The following PPP6R1 variants were observed in gnomAD, a reference collection of about 807,000 sequenced individuals.
PPP6R1 encodes the protein serine/threonine-protein phosphatase 6 regulatory subunit 1.
In PPP6R1, 39 loss-of-function variants were observed where a neutral mutation model predicts 104.6. The observed-to-expected ratio is 0.37, with a 90% confidence interval of 0.29 to 0.49. The LOEUF (loss-of-function observed/expected upper bound fraction) is 0.49. Among genes scored for constraint, PPP6R1 ranks in the 20% least tolerant of loss-of-function variants. PPP6R1 has a pLI of 0.98. For missense variants in PPP6R1, 1,181 were observed against 1,155.8 expected, an observed-to-expected ratio of 1.02 and a Z score of -0.32; for synonymous variants, 549 against 479.0, an observed-to-expected ratio of 1.15 and a Z score of -1.91.
At chr19:55,236,516 TAC>T in intron 17 of PPP6R1, 125 bp downstream of exon 17, 1 of 1,090,968 alleles carries the variant, frequency 9.2e-7, no homozygotes, top group Non-Finnish European at 1.3e-6. Context: ...CCCCAACTAA[TAC>T]ACACACCAAT....
Position 55,245,579 on chromosome 19 carries a change from G to A in PPP6R1, c.327C>T (p.Phe109=), listed in dbSNP as rs1379625761. 3.1e-6 allele frequency: 5 copies of A among 1,612,844 alleles called. No individual in the cohort carries two copies. Among genetic ancestry groups the A allele is most frequent in the Non-Finnish European group, 3.4e-6 (4 of 1,179,638 alleles). ...DESLLNRLYG[F]LQSTGSLNPL... ...GGTTGAGGCTGCCGGTGCTCTGCAG[G>A]AAGCCGTAGAGCCGGTTCAGAAGGG... The change falls in exon 3 of 24, where the codon TTC becomes TTT. Residue 109 remains phenylalanine, a synonymous_variant. Transcript: ENST00000412770. The surrounding 1 kb of genome is among the most constrained non-coding windows in gnomAD (Gnocchi z 6.4).
chr19:55,244,952 G>A (rs2087493369), intron 5 of PPP6R1, among the ~76,000 whole-genome samples, 168 bp downstream of exon 5: 1 of 151,984 alleles, frequency 6.6e-6, no homozygotes, highest in African/African-American at 2.4e-5. Flanking sequence ...TGCCCAAGCT[G>A]GTCTCAAACT....
intron 1 of PPP6R1, chr19:55,255,689 C>T (rs1300419548): frequency 1.3e-5 from 2 of 152,588 alleles, no homozygotes; most frequent in East Asian, 3.8e-4. Flanking sequence ...TCTCTTGCTA[C>T]CTCCCGCGTG....
At chr19:55,228,359 G>A (rs747507473), downstream of PPP6R1, 8 of 1,613,932 alleles carry the variant, frequency 5.0e-6, no homozygotes, top group Admixed American at 1.7e-5. Context: ...CAGGACAGCT[G>A]GTCCTCGGGA....
At chr19:55,240,867 T>A (rs2087449018) in intron 10 of PPP6R1, 78 bp downstream of exon 10, 1 of 1,518,244 alleles carries the variant, frequency 6.6e-7, no homozygotes. Context: ...GAGGAAGGAG[T>A]GAGGGGTAGG....
chr19:55,242,786 G>C (rs188810072), intron 5 of PPP6R1, among the ~76,000 whole-genome samples: 215 of 152,334 alleles, frequency 1.4e-3, no homozygotes, highest in African/African-American at 5.0e-3. Flanking sequence ...ACTGATGAGT[G>C]AATATGCCCA....
chr19:55,243,238 C>T (rs1240617353), intron 5 of PPP6R1, among the ~76,000 whole-genome samples: 1 of 151,878 alleles, frequency 6.6e-6, no homozygotes, highest in Non-Finnish European at 1.5e-5. Context: ...CATGGTGAAA[C>T]CCCATCTCTA....
At chr19:55,256,187 G>A (rs1263852179) in intron 1 of PPP6R1, among the ~76,000 whole-genome samples, 2 of 152,190 alleles carry the variant, frequency 1.3e-5, no homozygotes, top group Non-Finnish European at 2.9e-5. Context: ...GTGGTGACTC[G>A]CAATACACAA....
intron 23 of PPP6R1, 38 bp from the exon 24 acceptor site, chr19:55,230,569 G>A (rs1383655526): frequency 6.2e-7 from 1 of 1,613,380 alleles, no homozygotes; most frequent in Non-Finnish European, 8.5e-7. Flanking sequence ...GGGTCTAGCA[G>A]GCCCAGCCCC....
intron 15 of PPP6R1, 43 bp from the exon 16 acceptor site, chr19:55,237,013 G>A (rs756145412): frequency 1.9e-6 from 3 of 1,547,292 alleles, no homozygotes; most frequent in African/African-American, 1.4e-5. Flanking sequence ...CCACCTGGGG[G>A]TGGGGGCAGC....
chr19:55,248,026 T>G (rs76224607), intron 1 of PPP6R1, among the ~76,000 whole-genome samples: 2 of 152,138 alleles, frequency 1.3e-5, no homozygotes, highest in Non-Finnish European at 2.9e-5. Context: ...CGCTCGTGCA[T>G]GGGAACTCAC....
At position 55,247,112 on chromosome 19, in the gene PPP6R1, G is replaced by A; in HGVS notation, c.-6-3C>T. 2 of 1,611,564 alleles carry A rather than the reference G, an allele frequency of 1.2e-6. No homozygotes were observed. Among genetic ancestry groups the A allele is most frequent in the Non-Finnish European group, 1.7e-6 (2 of 1,179,348 alleles). ...TCAAACTTCCAAAACATGGCGCCCT[G>A]CAGGCATAGACACAACCAGCGCCGC... On this transcript the variant is annotated splice_region_variant and splice_polypyrimidine_tract_variant and intron_variant, in intron 1 of 23. Coordinates refer to ENST00000412770, the MANE Select transcript of PPP6R1 (RefSeq NM_014931.4).
chr19:55,230,576 C>A lies in PPP6R1; in HGVS notation c.2642+37G>T, dbSNP rs750090234. ...TCGTGTGAGGGTCTAGCAGGCCCAG[C>A]CCCACCTACCCAGCCCGAGGCTGCA... is the stretch of plus-strand genomic sequence containing the variant. On this transcript the variant is annotated intron_variant, in intron 23 of 23. Transcript: ENST00000412770. The A allele has an allele frequency of 4.3e-6, 7 of 1,613,340 alleles. No individual in the cohort carries two copies. The Admixed American group carries it at 5.0e-5, about 12-fold the overall frequency.
At chr19:55,244,086 G>A (rs1046185938) in intron 5 of PPP6R1, among the ~76,000 whole-genome samples, 7 of 152,242 alleles carry the variant, frequency 4.6e-5, no homozygotes, top group African/African-American at 1.7e-4. Flanking sequence ...AGAGAGAAAA[G>A]AGAGAAGCAT....
At chr19:55,248,820 T>A (rs181058909) in intron 1 of PPP6R1, among the ~76,000 whole-genome samples, 2 of 152,306 alleles carry the variant, frequency 1.3e-5, no homozygotes, top group South Asian at 2.1e-4. Flanking sequence ...GTCCCACACA[T>A]GGCCTCAGGC....
intron 6 of PPP6R1, 31 bp from the exon 7 acceptor site, chr19:55,242,310 G>A (rs1843594373): frequency 6.2e-7 from 1 of 1,612,984 alleles, no homozygotes; most frequent in Non-Finnish European, 8.5e-7. Context: ...GTCAGGGTGA[G>A]GGGCCAGGGG....
At chr19:55,231,694 G>A in intron 19 of PPP6R1, 26 bp from the exon 20 acceptor site, 1 of 1,576,940 alleles carries the variant, frequency 6.3e-7, no homozygotes, top group Non-Finnish European at 8.6e-7. Flanking sequence ...GGCAGCCCAA[G>A]GGGGCAGCTA....
Position 55,237,098 on chromosome 19 carries a change from A to G in PPP6R1, c.1752-128T>C, listed in dbSNP as rs1197546056. 3.1e-6 allele frequency: 3 copies of G among 965,270 alleles called. No individual in the cohort carries two copies. In the African/African-American group the frequency reaches 4.8e-5, roughly 16 times the overall value. 59.8% of individuals were successfully genotyped at this position (965,270 alleles called of 1,614,324 possible). On this transcript the variant is annotated intron_variant, in intron 15 of 23. Coordinates refer to ENST00000412770, the MANE Select transcript of PPP6R1 (RefSeq NM_014931.4). ...TTACTTGCAGATTTGGTATCTGCAA[A>G]TTCACACACAACCCGAACCACTGGT...
Position 55,245,996 on chromosome 19 carries a change from G to GC in PPP6R1, c.228-319dup, listed in dbSNP as rs2087504893. On this transcript the variant is annotated intron_variant, in intron 2 of 23. Transcript: ENST00000412770. This position sits in a 1 kb window ranked among gnomAD's most constrained non-coding sequence, Gnocchi z 6.4. ...CTTTTGCCTCTCAGCGGCTTCACTT[G>GC]CAACCCCGTATGCTGCCCCAGCTCC... is the stretch of plus-strand genomic sequence containing the variant. Among the ~76,000 whole-genome samples the GC allele has an allele frequency of 1.3e-5, 2 of 152,076 alleles. No individual in the cohort carries two copies. The highest frequency in any genetic ancestry group is 4.1e-4 in the South Asian group (2 of 4,826).
Sources: gnomAD v4.1 joint callset for allele counts (sites outside exome capture counted in the v4.1 genomes callset) on GRCh38, gnomAD v4.1.1 for gene constraint, Gnocchi (gnomAD v3.1) non-coding constraint, MANE v1.5 for transcripts, NCBI Gene and HGNC (gene_info 2026-07-23, HGNC 2026-07-21) for gene names.